TTN: variants seen among roughly 807,000 people sequenced by gnomAD.
TTN encodes titin, also known as connectin.
In TTN, 1,525 loss-of-function variants were observed where a neutral mutation model predicts 3,223.0. That is an observed-to-expected ratio of 0.47 (90% CI 0.45 to 0.49). TTN has a LOEUF of 0.49. Ranked by LOEUF, TTN falls within the 20% of genes least tolerant of loss-of-function variation. TTN has a pLI of 0.00. For synonymous variants in TTN, 14,094 were observed against 15,161.0 expected, an observed-to-expected ratio of 0.93 and a Z score of 5.17; for missense variants, 40,786 against 43,424.0, an observed-to-expected ratio of 0.94 and a Z score of 5.40.
In TTN at chr2:178,565,505, A is replaced by G; in HGVS notation, c.80627T>C (p.Leu26876Ser). ...TAACTTTAAACTAGGCTGTATAGTC[A>G]AGTCCTTGGCTATGACAGGAACACC... ...VLGVPVIAKD[L>S]TIQPSLKLPF... Residue 26876 changes from leucine (L) to serine (S), a missense_variant, in exon 326 of 363, where the codon TTG becomes TCG. Physicochemically the swap from Leu to Ser is moderately radical, Grantham distance 145 (BLOSUM62 -2). Coordinates refer to ENST00000589042, the MANE Select transcript of TTN (RefSeq NM_001267550.2). 1 of 1,613,436 alleles carries G rather than the reference A, an allele frequency of 6.2e-7. No individual in the cohort carries two copies.
At chr2:178,643,466 A>G (rs1369317347) in intron 218 of TTN, among the ~76,000 whole-genome samples, 1 of 151,936 alleles carries the variant, frequency 6.6e-6, no homozygotes, top group Non-Finnish European at 1.5e-5. Context: ...AGAGGTACCA[A>G]TCTTCTTAAT....
chr2:178,673,538 A>G (rs996132611), intron 152 of TTN, 95 bp downstream of exon 152: 2 of 855,710 alleles, frequency 2.3e-6, no homozygotes, highest in Middle Eastern at 6.7e-4. Flanking sequence ...CACTATCTAA[A>G]TGATTATAAG....
rs984360776 is a variant in TTN at position 178,550,025 on chromosome 2, A to G, written c.91813T>C (p.Ser30605Pro). 6.2e-7 allele frequency: 1 copy of G among 1,611,264 alleles called. No homozygotes were observed. Among genetic ancestry groups the G allele is most frequent in the South Asian group, 1.1e-5 (1 of 90,832 alleles). The part of the protein sequence containing the change: ...GVYTVEAKNA[S>P]GSAKAEIKVK... ...TTAATTTCTGCTTTTGCAGAACCAG[A>G]TGCATTTTTGGCTTCCACTGTGTAT... The change falls in exon 337 of 363, where the codon TCT becomes CCT. Residue 30605 changes from serine to proline, a missense_variant. Physicochemically the swap from Ser to Pro is moderately conservative, Grantham distance 74. Transcript: ENST00000589042.
In TTN at chr2:178,749,156, T is replaced by A. The variant is rs770557290; in HGVS notation, c.11311+3968A>T. On this transcript the variant is annotated intron_variant, in intron 47 of 362. Transcript: ENST00000589042. ...GTGAATATTTGGTAAATAGTCACTT[T>A]GGGCACATTCTTGTACATTTTCCTT... 5.0e-5 allele frequency: 80 copies of A among 1,612,566 alleles called. No homozygotes were observed. The East Asian group carries it at 1.6e-3, about 32-fold the overall frequency.
rs762525368 is a variant in TTN, at chr2:178,591,312, A to G, written c.60413T>C (p.Ile20138Thr). The G allele has an allele frequency of 6.2e-7, 1 of 1,613,264 alleles. No individual in the cohort carries two copies. The highest frequency in any genetic ancestry group is 2.2e-5 in the East Asian group (1 of 44,826). ...ETDNFSSVLT[I>T]KNCLRRDTGE... ...AGTGTCTCTCCTTAAGCAGTTCTTA[A>G]TGGTAAGTACTGATGAGAAGTTGTC... is the stretch of plus-strand genomic sequence containing the variant. The change falls in exon 304 of 363, where the codon ATT (isoleucine) becomes ACT (threonine). Residue 20138 changes from isoleucine (I) to threonine (T), a missense_variant. Ile to Thr is a moderately conservative substitution (Grantham distance 89). Coordinates refer to ENST00000589042, the MANE Select transcript of TTN (RefSeq NM_001267550.2).
Position 178,757,829 on chromosome 2 carries a change from T to G in TTN, c.10391A>C (p.Lys3464Thr), listed in dbSNP as rs1553970272. The G allele has an allele frequency of 6.2e-6, 10 of 1,603,464 alleles. No individual in the cohort carries two copies. Among genetic ancestry groups the G allele is most frequent in the Non-Finnish European group, 8.5e-6 (10 of 1,173,852 alleles). ...TGACAGAGGCTGGATGAAGCTGGGC[T>G]TTTGGCCAAGGGGCTCCTTCTTAAA... ...VSFKKEPLGQ[K>T]PSFIQPLSSL... The change falls in exon 45 of 363, where the codon AAG (lysine) becomes ACG (threonine). Residue 3464 changes from lysine to threonine, a missense_variant. Physicochemically the swap from Lys to Thr is moderately conservative, Grantham distance 78 (BLOSUM62 -1). Transcript: ENST00000589042.
chr2:178,668,813 A>G (rs866079240), intron 159 of TTN, among the ~76,000 whole-genome samples: 3 of 151,926 alleles, frequency 2.0e-5, no homozygotes, highest in East Asian at 1.9e-4. Flanking sequence ...TCTATTCACA[A>G]TATTTTACTA....
chr2:178,531,907 G>T lies in TTN; in HGVS notation c.104708C>A (p.Ala34903Glu). Residue 34903 changes from alanine (A) to glutamate (E), a missense_variant, in exon 358 of 363, where the codon GCA becomes GAA. Transcript: ENST00000589042. ...ATACCTGGAAAAGATATCAAATCTT[G>T]CAGACCTCTCAAATCTCGAGAGTGA... ...ERSLSRFERS[A>E]RFDIFSRYES... 1.2e-6 allele frequency: 2 copies of T among 1,612,670 alleles called. No individual in the cohort carries two copies. The highest frequency in any genetic ancestry group is 1.7e-6 in the Non-Finnish European group (2 of 1,179,152).
rs746660690 is a variant in TTN at position 178,773,743 on chromosome 2, C to A, written c.7331-18G>T. 1 of 1,614,040 alleles carries A rather than the reference C, an allele frequency of 6.2e-7. No individual in the cohort carries two copies. Among genetic ancestry groups the A allele is most frequent in the Non-Finnish European group, 8.5e-7 (1 of 1,179,964 alleles). On this transcript the variant is annotated intron_variant, in intron 31 of 362. Coordinates refer to ENST00000589042, the MANE Select transcript of TTN (RefSeq NM_001267550.2). ...GTCCACACCTGCAAAATCATACACA[C>A]ACAAGATGAATGAATTTTGTTGAAA...
chr2:178,746,161 C>A, intron 47 of TTN: 4 of 1,613,296 alleles, frequency 2.5e-6, no homozygotes. Context: ...ATTCTTTATA[C>A]CACTTAACTT....
At chr2:178,609,657 G>A in intron 272 of TTN, 27 bp downstream of exon 272, 3 of 1,554,874 alleles carry the variant, frequency 1.9e-6, no homozygotes, top group Non-Finnish European at 2.6e-6. Flanking sequence ...AAATGGGAAA[G>A]TGGCAACTCC....
intron 295 of TTN, among the ~76,000 whole-genome samples, chr2:178,595,237 C>T (rs2051212175): frequency 6.6e-6 from 1 of 151,900 alleles, no homozygotes; most frequent in African/African-American, 2.4e-5. Context: ...TGACACTATA[C>T]TCCAGCCTCG....
At chr2:178,737,974 T>C in intron 49 of TTN, 108 bp downstream of exon 49, 1 of 1,416,258 alleles carries the variant, frequency 7.1e-7, no homozygotes, top group Non-Finnish European at 9.5e-7. Flanking sequence ...TCTTGGTTGT[T>C]GGTCTCTCCA....
rs183238138 is a variant in TTN at position 178,561,186 on chromosome 2, C to G, written c.84946G>C (p.Glu28316Gln). The change falls in exon 326 of 363, where the codon GAA becomes CAA. Residue 28316 changes from glutamate (E) to glutamine (Q), a missense_variant. Glu to Gln is a conservative substitution (Grantham distance 29, BLOSUM62 2). Coordinates refer to ENST00000589042, the MANE Select transcript of TTN (RefSeq NM_001267550.2). Reference protein sequence around the residue: ...NIQETYFEVTELTEDQRYEFR... With the variant: ...NIQETYFEVTQLTEDQRYEFR... ...TCATAACGCTGATCTTCAGTAAGTT[C>G]AGTTACTTCAAAGTATGTTTCTTGT... The G allele has an allele frequency of 1.8e-5, 29 of 1,613,560 alleles. No individual in the cohort carries two copies. In the African/African-American group the frequency reaches 3.3e-4, roughly 19 times the overall value.
rs758890271 is a variant in TTN at position 178,631,031 on chromosome 2, T to C, written c.44014+3A>G. On this transcript the variant is annotated splice_donor_region_variant and intron_variant, in intron 237 of 362. Transcript: ENST00000589042. ...AGAGTGAAACTCATGGAAATTTCCTTACCCTCAATGTCAAGTTTTCCTGAG... is the reference window on the plus strand; with the variant it reads ...AGAGTGAAACTCATGGAAATTTCCTCACCCTCAATGTCAAGTTTTCCTGAG... 6.2e-7 allele frequency: 1 copy of C among 1,612,976 alleles called. No homozygotes were observed. Among genetic ancestry groups the C allele is most frequent in the South Asian group, 1.1e-5 (1 of 90,982 alleles).
chr2:178,601,587 T>A (rs1397617126), intron 286 of TTN, 23 bp from the exon 287 acceptor site: 2 of 1,596,010 alleles, frequency 1.3e-6, no homozygotes, highest in African/African-American at 2.7e-5. Flanking sequence ...AATCACAATA[T>A]AAGCAACGTT....
In TTN at chr2:178,593,711, A is replaced by G. The variant is rs1187285216; in HGVS notation, c.58589T>C (p.Val19530Ala). 2 of 1,613,382 alleles carry G rather than the reference A, an allele frequency of 1.2e-6. No individual in the cohort carries two copies. The highest frequency in any genetic ancestry group is 2.2e-5 in the East Asian group (1 of 44,722). Residue 19530 changes from valine (V) to alanine (A), a missense_variant, in exon 298 of 363, where the codon GTG becomes GCG. Val to Ala is a moderately conservative substitution (Grantham distance 64). Coordinates refer to ENST00000589042, the MANE Select transcript of TTN (RefSeq NM_001267550.2). ...KEVGKDVWMP[V>A]TSASAKTTCK... is the part of the protein sequence containing the mutation. ...TGTTGTTTTAGCACTTGCAGATGTC[A>G]CTGGCATCCAGACGTCTTTACCCAC...
chr2:178,635,818 G>A (rs2060365881), intron 226 of TTN, 103 bp from the exon 227 acceptor site: 10 of 1,510,466 alleles, frequency 6.6e-6, no homozygotes, highest in African/African-American at 4.2e-5. Flanking sequence ...ACAATACTGG[G>A]CATAATTAAT....
Position 178,674,296 on chromosome 2 carries a change from C to A in TTN, c.34708+18G>T, listed in dbSNP as rs368785087. The A allele has an allele frequency of 1.4e-6, 2 of 1,467,514 alleles. No individual in the cohort carries two copies. Among genetic ancestry groups the A allele is most frequent in the South Asian group, 2.4e-5 (2 of 83,036 alleles). 90.9% of individuals were successfully genotyped at this position (1,467,514 alleles called of 1,614,324 possible). ...ACACCAGGAATTTTAAATGTTCAAT[C>A]CTTAAAAGCGGTTATACCTCTAGGT... On this transcript the variant is annotated intron_variant, in intron 151 of 362. Transcript: ENST00000589042.
Sources: gnomAD v4.1 joint callset for allele counts (sites outside exome capture counted in the v4.1 genomes callset) on GRCh38, gnomAD v4.1.1 for gene constraint, MANE v1.5 for transcripts, NCBI Gene and HGNC (gene_info 2026-07-23, HGNC 2026-07-21) for gene names.